ZNF469: variants seen among roughly 807,000 people sequenced by gnomAD.
ZNF469 encodes the protein zinc finger protein 469.
Under a neutral mutation model 1.0 loss-of-function variants are expected in ZNF469, and 1 was observed. The observed-to-expected ratio is 1.00, with a 90% CI of 0.35 to 4.73. The LOEUF is 4.73. Ranked by LOEUF, ZNF469 falls within the 30% of genes most tolerant of loss-of-function variation. ZNF469 has a pLI of 0.16. For synonymous variants in ZNF469, 2,703 were observed against 2,363.4 expected, an observed-to-expected ratio of 1.14 and a Z score of -4.17; for missense variants, 6,100 against 5,356.3, an observed-to-expected ratio of 1.14 and a Z score of -4.33.
the ZNF469 span, among the ~76,000 whole-genome samples, chr16:88,333,863 AGTGTGT>A: frequency 1.7e-4 from 24 of 141,016 alleles, no homozygotes; most frequent in African/African-American, 6.2e-4. Context: ...GGGCAGTTGC[AGTGTGT>A]GTGTGTGTGT....
At chr16:88,397,652 TAAG>T (rs879883812) in intron 1 of ZNF469, among the ~76,000 whole-genome samples, 15,658 of 75,490 alleles carry the variant, frequency 0.21, 1,049 homozygotes, top group African/African-American at 0.35. Context: ...TGGATATAAA[TAAG>T]AGATAGATAG....
the ZNF469 span, among the ~76,000 whole-genome samples, chr16:88,233,307 C>T: frequency 5.0e-4 from 76 of 152,334 alleles, no homozygotes; most frequent in East Asian, 0.013. Flanking sequence ...GGGAGGAAAT[C>T]GCCAACCTTC....
At chr16:88,359,403 C>T in the ZNF469 span, among the ~76,000 whole-genome samples, 85 of 144,450 alleles carry the variant, frequency 5.9e-4, no homozygotes, top group Admixed American at 4.8e-4. Flanking sequence ...GAGTGTCCCG[C>T]GGGCTCGGTA....
chr16:88,194,117 C>G, the ZNF469 span, among the ~76,000 whole-genome samples: 11 of 152,188 alleles, frequency 7.2e-5, no homozygotes, highest in African/African-American at 2.2e-4. Flanking sequence ...TTTATTCCCC[C>G]CTCCGCCACA....
chr16:88,352,147 A>G, the ZNF469 span, among the ~76,000 whole-genome samples: 1 of 152,132 alleles, frequency 6.6e-6, no homozygotes, highest in South Asian at 2.1e-4. Flanking sequence ...GACTACCCAG[A>G]GGAACAGGTT....
the ZNF469 span, among the ~76,000 whole-genome samples, chr16:88,153,273 TG>T: frequency 1.3e-5 from 2 of 152,136 alleles, no homozygotes; most frequent in African/African-American, 4.8e-5. Flanking sequence ...CTCGCCTTCG[TG>T]GGGGGCCTGC....
At chr16:88,220,852 G>A in the ZNF469 span, among the ~76,000 whole-genome samples, 1 of 152,190 alleles carries the variant, frequency 6.6e-6, no homozygotes, top group Non-Finnish European at 1.5e-5. Context: ...TTAACTCTGG[G>A]CGTTTCTCCA....
At chr16:88,125,594 C>G in the ZNF469 span, among the ~76,000 whole-genome samples, 11 of 152,120 alleles carry the variant, frequency 7.2e-5, no homozygotes, top group African/African-American at 2.7e-4. Flanking sequence ...TTATTTAGAT[C>G]TCCTTTAATT....
At position 88,428,643 on chromosome 16, in the gene ZNF469, G is replaced by A; in HGVS notation, c.1173G>A (p.Leu391=). The A allele has an allele frequency of 1.3e-6, 2 of 1,550,164 alleles. No individual in the cohort carries two copies. The highest frequency in any genetic ancestry group is 1.7e-6 in the Non-Finnish European group (2 of 1,146,864). Residue 391 remains leucine (L), a synonymous_variant, in exon 3 of 3, where the codon CTG becomes CTA. Coordinates refer to ENST00000565624, the MANE Select transcript of ZNF469 (RefSeq NM_001367624.2). ...GACCACCTTCAGCCCAGGATGGGCT[G>A]GGGAGCACGAGAGGGCCCCCTAGCT... is the stretch of plus-strand genomic sequence containing the variant. The part of the protein sequence containing the change: ...PERPPSAQDG[L]GSTRGPPSSL...
At chr16:88,270,087 T>C in the ZNF469 span, among the ~76,000 whole-genome samples, 759 of 152,236 alleles carry the variant, frequency 5.0e-3, 7 homozygotes, top group African/African-American at 0.017. Context: ...CGTTAGTAGC[T>C]TTTTTTTCTT....
At chr16:88,399,301 C>T (rs1486171170) in intron 1 of ZNF469, among the ~76,000 whole-genome samples, 5 of 152,250 alleles carry the variant, frequency 3.3e-5, no homozygotes, top group Admixed American at 2.6e-4. Context: ...ATGATCAAAG[C>T]AAGTCCGGGG....
chr16:88,329,936 G>T, the ZNF469 span, among the ~76,000 whole-genome samples: 2 of 152,198 alleles, frequency 1.3e-5, no homozygotes, highest in African/African-American at 4.8e-5. Flanking sequence ...CATCATCCAG[G>T]CACCCAAAGG....
At chr16:88,406,179 G>A (rs541048151) in intron 1 of ZNF469, among the ~76,000 whole-genome samples, 7 of 152,334 alleles carry the variant, frequency 4.6e-5, no homozygotes, top group East Asian at 1.9e-4. Flanking sequence ...CCAGGAAACC[G>A]CCCTTCCGTG....
the ZNF469 span, among the ~76,000 whole-genome samples, chr16:88,322,635 C>T: frequency 3.9e-5 from 6 of 152,340 alleles, no homozygotes; most frequent in African/African-American, 1.2e-4. Context: ...TCCTCGGAGA[C>T]TGTGTGGGAC....
chr16:88,179,196 A>G, the ZNF469 span, among the ~76,000 whole-genome samples: 1 of 152,158 alleles, frequency 6.6e-6, no homozygotes. Context: ...GTTGAAATGT[A>G]TCCCCAGTGT....
chr16:88,262,013 C>T, the ZNF469 span, among the ~76,000 whole-genome samples: 2 of 152,182 alleles, frequency 1.3e-5, no homozygotes, highest in African/African-American at 2.4e-5. The surrounding 1 kb of genome is among the most constrained non-coding windows in gnomAD (Gnocchi z 4.3). Context: ...CTGTGCAGGA[C>T]GCCCGGCTCA....
intron 1 of ZNF469, among the ~76,000 whole-genome samples, chr16:88,412,557 G>C (rs1905200711): frequency 6.6e-6 from 1 of 152,228 alleles, no homozygotes; most frequent in African/African-American, 2.4e-5. Flanking sequence ...CCCAGCCATA[G>C]AGCCAGGGAC....
At chr16:88,379,140 G>A (rs181953306), upstream of ZNF469, among the ~76,000 whole-genome samples, 6 of 152,316 alleles carry the variant, frequency 3.9e-5, no homozygotes, top group African/African-American at 9.6e-5. Flanking sequence ...GGGGTGACTC[G>A]TGTGAGCTGG....
At chr16:88,257,161 G>C in the ZNF469 span, among the ~76,000 whole-genome samples, 1 of 122,392 alleles carries the variant, frequency 8.2e-6, no homozygotes, top group African/African-American at 3.1e-5. Flanking sequence ...AAAGGGTTTT[G>C]CCATGTTGGC....
Sources: gnomAD v4.1 joint callset for allele counts (sites outside exome capture counted in the v4.1 genomes callset) on GRCh38, gnomAD v4.1.1 for gene constraint, Gnocchi (gnomAD v3.1) non-coding constraint, MANE v1.5 for transcripts, NCBI Gene and HGNC (gene_info 2026-07-23, HGNC 2026-07-21) for gene names.